PLCB3: variants seen among roughly 807,000 people sequenced by gnomAD.
PLCB3 encodes the protein phospholipase C beta 3.
Under a neutral mutation model 152.1 loss-of-function variants are expected in PLCB3, and 54 were observed. That is an observed-to-expected ratio of 0.36 (90% CI 0.29 to 0.45). The LOEUF (loss-of-function observed/expected upper bound fraction) is 0.45. Among genes scored for constraint, PLCB3 ranks in the 20% least tolerant of loss-of-function variants. The pLI, the probability that PLCB3 is intolerant of heterozygous loss-of-function variation, is 1.00. For synonymous variants in PLCB3, 717 were observed against 698.7 expected (o/e 1.03, Z -0.41); for missense variants, 1,248 against 1,687.5 (o/e 0.74, Z 4.56).
At chr11:64,253,692 C>T (rs527255854) in intron 1 of PLCB3, among the ~76,000 whole-genome samples, 6 of 152,136 alleles carry the variant, frequency 3.9e-5, no homozygotes, top group Non-Finnish European at 7.4e-5. Flanking sequence ...TGCCAGGGAC[C>T]GGGCCCTTCT....
At chr11:64,259,940 A>C in intron 13 of PLCB3, 89 bp from the exon 14 acceptor site, 1 of 1,077,114 alleles carries the variant, frequency 9.3e-7, no homozygotes, top group Non-Finnish European at 1.4e-6. Context: ...CCACTGAGTC[A>C]CCTCGGCACA....
In PLCB3 at chr11:64,264,092, G is replaced by T. The variant is rs760695903; in HGVS notation, c.2632G>T (p.Ala878Ser). 27 of 1,546,550 alleles carry T rather than the reference G, an allele frequency of 1.7e-5. No homozygotes were observed. The highest frequency in any genetic ancestry group is 1.7e-4 in the Middle Eastern group (1 of 5,736). The change falls in exon 22 of 31, where the codon GCC becomes TCC. Residue 878 changes from alanine to serine, a missense_variant. Physicochemically the swap from Ala to Ser is moderately conservative, Grantham distance 99 (BLOSUM62 1). Transcript: ENST00000279230. The stretch of plus-strand genomic sequence containing the variant: ...GGACCAGAGGGCCCGGCAGCTGGCC[G>T]CCCTCATTGGGGAGAGTGAGGTGAG... ...LMDQRARQLA[A>S]LIGESEAQAG...
In PLCB3 at chr11:64,262,451, C is replaced by T. The variant is rs776651979; in HGVS notation, c.2083C>T (p.Arg695Cys). 8 of 1,613,872 alleles carry T rather than the reference C, an allele frequency of 5.0e-6. No homozygotes were observed. Among genetic ancestry groups the T allele is most frequent in the Admixed American group, 3.3e-5 (2 of 60,036 alleles). ...CGCGGGCGTTTTTGAGTACAACGGG[C>T]GCAGCGGGTACCTGCTCAAGCCGGA... The part of the protein sequence containing the change: ...LNAGVFEYNG[R>C]SGYLLKPEFM... Residue 695 changes from arginine (R) to cysteine (C), a missense_variant, in exon 18 of 31, where the codon CGC becomes TGC. Arg to Cys is a radical substitution (Grantham distance 180, BLOSUM62 -3). Transcript: ENST00000279230.
At chr11:64,261,765 G>A (rs1303569945) in intron 16 of PLCB3, 100 bp downstream of exon 16, 2 of 1,411,534 alleles carry the variant, frequency 1.4e-6, no homozygotes, top group African/African-American at 1.4e-5. Context: ...ACAGGGTGCT[G>A]GCCCTCCGGC....
chr11:64,267,532 C>A lies in PLCB3; in HGVS notation c.3681C>A (p.Ser1227Arg). The stretch of plus-strand genomic sequence containing the variant: ...ACCTGTCGGGCGCTGACTCGGAGAG[C>A]CAGGAGGAGAACACGCAGCTCTGAA... The part of the protein sequence containing the change: ...SGHLSGADSE[S>R]QEENTQL The change falls in exon 31 of 31, where the codon AGC becomes AGA. Residue 1227 changes from serine (S) to arginine (R), a missense_variant. By Grantham distance (110) the Ser-to-Arg change is moderately radical. Transcript: ENST00000279230. This position sits in a 1 kb window ranked among gnomAD's most constrained non-coding sequence, Gnocchi z 5.2. 1 of 1,565,342 alleles carries A rather than the reference C, an allele frequency of 6.4e-7. No individual in the cohort carries two copies.
intron 1 of PLCB3, among the ~76,000 whole-genome samples, chr11:64,253,028 G>A (rs1244715038): frequency 1.3e-5 from 2 of 152,236 alleles, no homozygotes; most frequent in African/African-American, 4.8e-5. Flanking sequence ...GAAGTGGGGA[G>A]GCCCATGCAT....
intron 22 of PLCB3, 79 bp downstream of exon 22, chr11:64,264,191 A>T: frequency 1.0e-6 from 1 of 971,784 alleles, no homozygotes; most frequent in Non-Finnish European, 1.5e-6. Flanking sequence ...CCACATGAGG[A>T]GGGGGCTTCT....
intron 24 of PLCB3, 37 bp downstream of exon 24, chr11:64,265,264 T>C: frequency 6.3e-7 from 1 of 1,584,638 alleles, no homozygotes; most frequent in South Asian, 1.1e-5. Flanking sequence ...GGGGCTGCCT[T>C]GCAGGTTCCC....
intron 10 of PLCB3, among the ~76,000 whole-genome samples, chr11:64,256,997 CTTTTT>C (rs5792316): frequency 2.8e-4 from 17 of 61,588 alleles, no homozygotes; most frequent in East Asian, 1.3e-3. Flanking sequence ...CTTCAGGGTC[CTTTTT>C]TTTTTTTTTT....
intron 1 of PLCB3, among the ~76,000 whole-genome samples, chr11:64,253,585 T>C (rs564525049): frequency 6.6e-6 from 1 of 152,234 alleles, no homozygotes; most frequent in African/African-American, 2.4e-5. Flanking sequence ...GTTCTACCTG[T>C]AGCCACTTGT....
In PLCB3 at chr11:64,255,726, G is replaced by A; in HGVS notation, c.603G>A (p.Glu201=). The A allele has an allele frequency of 1.2e-6, 2 of 1,613,874 alleles. No homozygotes were observed. Among genetic ancestry groups the A allele is most frequent in the South Asian group, 2.2e-5 (2 of 91,086 alleles). ...ESCGLKFNRS[E]SIRPDEFSLE... is the part of the protein sequence containing the mutation. ...CCACACTCCTCGACCTCCAGAGTGA[G>A]TCCATCCGGCCTGATGAGTTTTCCT... Residue 201 remains glutamate, a synonymous_variant, in exon 8 of 31, where the codon GAG becomes GAA. Transcript: ENST00000279230. The surrounding 1 kb of genome is among the most constrained non-coding windows in gnomAD (Gnocchi z 6.8).
chr11:64,260,000 C>G (rs752736304), intron 13 of PLCB3, 29 bp from the exon 14 acceptor site: 30 of 1,592,148 alleles, frequency 1.9e-5, no homozygotes, highest in Admixed American at 1.4e-4. Context: ...TGGTCCTGAC[C>G]CCTCACCCTG....
rs748898547 is a variant in PLCB3, at chr11:64,265,969, A to G, written c.3119A>G (p.Gln1040Arg). 6 of 1,614,052 alleles carry G rather than the reference A, an allele frequency of 3.7e-6. No homozygotes were observed. The Admixed American group carries it at 1.0e-4, about 27-fold the overall frequency. ...RYQEFQNRQVQSLLELREAQV... is the reference protein window; with the variant it reads ...RYQEFQNRQVRSLLELREAQV... The stretch of plus-strand genomic sequence containing the variant: ...CAGGAGTTCCAGAACAGACAGGTGC[A>G]GAGCCTGCTGGAGCTGCGGGAGGCC... The change falls in exon 26 of 31, where the codon CAG (glutamine) becomes CGG (arginine). Residue 1040 changes from glutamine to arginine, a missense_variant. Physicochemically the swap from Gln to Arg is conservative, Grantham distance 43. This residue lies in a region of PLCB3 where 477 missense variants were observed against 489.6 expected (regional missense o/e 0.97). Transcript: ENST00000279230.
Position 64,255,428 on chromosome 11 carries a change from A to G in PLCB3, c.500A>G (p.Asp167Gly). 6.2e-7 allele frequency: 1 copy of G among 1,614,120 alleles called. No homozygotes were observed. The highest frequency in any genetic ancestry group is 8.5e-7 in the Non-Finnish European group (1 of 1,180,002). Residue 167 changes from aspartate to glycine, a missense_variant, in exon 6 of 31, where the codon GAT becomes GGT. This residue lies in a region of PLCB3 where 299 missense variants were observed against 434.7 expected (regional missense o/e 0.69). Transcript: ENST00000279230. This position sits in a 1 kb window ranked among gnomAD's most constrained non-coding sequence, Gnocchi z 6.8. ...YTKLKLQVNQDGRIPVKNILK... is the reference protein window; with the variant it reads ...YTKLKLQVNQGGRIPVKNILK... ...AAGCTGAAGCTGCAGGTGAACCAGG[A>G]TGGTCGGATCCCCGTCAAGAAGTGA... is the stretch of plus-strand genomic sequence containing the variant.
chr11:64,266,582 C>A lies in PLCB3; in HGVS notation c.3414+30C>A. On this transcript the variant is annotated intron_variant, in intron 29 of 30. Coordinates refer to ENST00000279230, the MANE Select transcript of PLCB3 (RefSeq NM_000932.5). This position sits in a 1 kb window ranked among gnomAD's most constrained non-coding sequence, Gnocchi z 4.9. ...GTCAGGCTCCCGGGCCACCCTACCCCACCTCCCTTCCTTCACTCATCAGAC... is the reference window on the plus strand; with the variant it reads ...GTCAGGCTCCCGGGCCACCCTACCCAACCTCCCTTCCTTCACTCATCAGAC... 6.2e-7 allele frequency: 1 copy of A among 1,607,702 alleles called. No individual in the cohort carries two copies. Among genetic ancestry groups the A allele is most frequent in the Non-Finnish European group, 8.5e-7 (1 of 1,174,484 alleles).
In PLCB3 at chr11:64,265,380, G is replaced by A. The variant is rs942252516; in HGVS notation, c.2913G>A (p.Glu971=). 2.5e-6 allele frequency: 4 copies of A among 1,612,318 alleles called. No individual in the cohort carries two copies. The highest frequency in any genetic ancestry group is 2.7e-5 in the African/African-American group (2 of 74,900). The part of the protein sequence containing the change: ...KALVKLRSRQ[E]RDLRELRKKH... ...TGGTCAAGCTCCGGAGCCGGCAAGAGCGAGACCTGCGGGAGCTGCGCAAGA... is the reference window on the plus strand; with the variant it reads ...TGGTCAAGCTCCGGAGCCGGCAAGAACGAGACCTGCGGGAGCTGCGCAAGA... The change falls in exon 25 of 31, where the codon GAG becomes GAA. Residue 971 remains glutamate (E), a synonymous_variant. Transcript: ENST00000279230.
chr11:64,266,032 T>C lies in PLCB3; in HGVS notation c.3182T>C (p.Leu1061Pro). The change falls in exon 26 of 31, where the codon CTG becomes CCG. Residue 1061 changes from leucine to proline, a missense_variant. Physicochemically the swap from Leu to Pro is moderately conservative, Grantham distance 98. Around this residue, in one of 6 missense-constraint regions of PLCB3, gnomAD observed 477 missense variants for 489.6 expected, o/e 0.97. Transcript: ENST00000279230. This position sits in a 1 kb window ranked among gnomAD's most constrained non-coding sequence, Gnocchi z 4.9. ...GAGGCCCAGCGGAGGCTGGAACACC[T>C]GAGACAGGTAGGGGGCCTGCAGTGG... is the stretch of plus-strand genomic sequence containing the variant. Reference protein sequence around the residue: ...DAEAQRRLEHLRQALQRLREV... With the variant: ...DAEAQRRLEHPRQALQRLREV... The C allele has an allele frequency of 6.2e-7, 1 of 1,613,904 alleles. No individual in the cohort carries two copies. Among genetic ancestry groups the C allele is most frequent in the Non-Finnish European group, 8.5e-7 (1 of 1,179,952 alleles).
chr11:64,263,847 G>A (rs1196356859), intron 21 of PLCB3, 52 bp downstream of exon 21: 1 of 1,483,120 alleles, frequency 6.7e-7, no homozygotes, highest in Admixed American at 1.7e-5. Context: ...GAGGGACAAG[G>A]GCCACCCCCA....
intron 13 of PLCB3, 66 bp from the exon 14 acceptor site, chr11:64,259,962 AC>A (rs1468090184): frequency 1.9e-5 from 26 of 1,365,554 alleles, no homozygotes; most frequent in Non-Finnish European, 2.6e-5. Flanking sequence ...ACTGGGAAAA[AC>A]CCCTCCAGAC....
Sources: gnomAD v4.1 joint callset for allele counts (sites outside exome capture counted in the v4.1 genomes callset) on GRCh38, gnomAD v4.1.1 for gene constraint, gnomAD v4.1.1 regional missense constraint, Gnocchi (gnomAD v3.1) non-coding constraint, MANE v1.5 for transcripts, NCBI Gene and HGNC (gene_info 2026-07-23, HGNC 2026-07-21) for gene names.